Variants in SLC35F3 observed in about 807,000 individuals in gnomAD.
The protein encoded by SLC35F3 is putative thiamine transporter SLC35F3.
SLC35F3 carries 25 observed loss-of-function variants against 49.9 expected under a neutral mutation model. The observed-to-expected ratio is 0.50, with a 90% CI of 0.37 to 0.70. SLC35F3 has a LOEUF of 0.70. Ranked by LOEUF, SLC35F3 falls within the 30% of genes least tolerant of loss-of-function variation. SLC35F3 has a pLI of 0.00. For synonymous variants in SLC35F3, 275 were observed against 265.4 expected, an observed-to-expected ratio of 1.04 and a Z score of -0.35; for missense variants, 525 against 639.8, an observed-to-expected ratio of 0.82 and a Z score of 1.94.
chr1:233,962,274 A>T (rs1662817275), intron 2 of SLC35F3, among the ~76,000 whole-genome samples: 2 of 152,160 alleles, frequency 1.3e-5, no homozygotes, highest in African/African-American at 4.8e-5. Flanking sequence ...ATTTATCTGT[A>T]TTCTTCAAGA....
intron 2 of SLC35F3, among the ~76,000 whole-genome samples, chr1:234,219,358 A>G (rs1572100342): frequency 6.6e-6 from 1 of 152,264 alleles, no homozygotes; most frequent in East Asian, 1.9e-4. Context: ...AACCCAAAAT[A>G]TTTCCCTGAT....
intron 2 of SLC35F3, among the ~76,000 whole-genome samples, chr1:234,192,555 A>G (rs888984506): frequency 6.6e-5 from 10 of 152,184 alleles, no homozygotes; most frequent in African/African-American, 2.2e-4. Context: ...GCCCACTCTC[A>G]CTACTTCTAT....
chr1:234,103,434 A>T (rs961953467), intron 2 of SLC35F3, among the ~76,000 whole-genome samples: 1 of 152,154 alleles, frequency 6.6e-6, no homozygotes, highest in Admixed American at 6.5e-5. Flanking sequence ...CAGGCTGTGC[A>T]TGAGCAAGCG....
intron 2 of SLC35F3, among the ~76,000 whole-genome samples, chr1:234,045,847 C>T (rs1167222139): frequency 6.6e-6 from 1 of 151,720 alleles, no homozygotes; most frequent in Non-Finnish European, 1.5e-5. Context: ...TATGTGGATC[C>T]ATTTAAATTA....
intron 2 of SLC35F3, among the ~76,000 whole-genome samples, chr1:234,054,350 T>C (rs1358880396): frequency 6.6e-6 from 1 of 152,198 alleles, no homozygotes; most frequent in Non-Finnish European, 1.5e-5. Context: ...CTTTTTACTC[T>C]TTTTTCTCTA....
At chr1:234,055,047 T>G (rs1664434968) in intron 2 of SLC35F3, among the ~76,000 whole-genome samples, 1 of 152,134 alleles carries the variant, frequency 6.6e-6, no homozygotes, top group African/African-American at 2.4e-5. Flanking sequence ...AGGTGTCAGG[T>G]GCCCCTACTG....
intron 7 of SLC35F3, among the ~76,000 whole-genome samples, chr1:234,321,372 C>G (rs181293105): frequency 6.6e-6 from 1 of 152,328 alleles, no homozygotes; most frequent in East Asian, 1.9e-4. Flanking sequence ...TCATACCTAC[C>G]CTTGCTACTT....
intron 3 of SLC35F3, among the ~76,000 whole-genome samples, chr1:234,281,087 C>T (rs74231608): frequency 1.3e-5 from 2 of 151,434 alleles, no homozygotes; most frequent in Admixed American, 6.6e-5. Flanking sequence ...TGTGTCCCCC[C>T]CCCATGCTCA....
intron 2 of SLC35F3, among the ~76,000 whole-genome samples, chr1:234,035,179 C>T (rs1664123583): frequency 6.6e-6 from 1 of 152,170 alleles, no homozygotes; most frequent in African/African-American, 2.4e-5. Flanking sequence ...TAGGAGCATA[C>T]AGAGAAAGGG....
intron 2 of SLC35F3, among the ~76,000 whole-genome samples, chr1:234,171,516 T>C (rs1379605465): frequency 1.3e-5 from 2 of 152,158 alleles, no homozygotes; most frequent in Non-Finnish European, 2.9e-5. Flanking sequence ...AATTATTCAA[T>C]ACAAATTCCT....
chr1:234,054,845 G>A (rs1374936705), intron 2 of SLC35F3, among the ~76,000 whole-genome samples: 3 of 152,150 alleles, frequency 2.0e-5, no homozygotes, highest in Non-Finnish European at 4.4e-5. Context: ...CTTTCTGTTT[G>A]TTAGTTTTCC....
chr1:233,918,509 A>G (rs1662006507), intron 2 of SLC35F3, among the ~76,000 whole-genome samples: 1 of 152,086 alleles, frequency 6.6e-6, no homozygotes, highest in African/African-American at 2.4e-5. Flanking sequence ...AAATTATTGT[A>G]TGGGGGCCAG....
Position 234,260,121 on chromosome 1 carries a change from T to C in SLC35F3, c.608+28380T>C, listed in dbSNP as rs1667880684. On this transcript the variant is annotated intron_variant, in intron 3 of 7. Coordinates refer to ENST00000366618, the MANE Select transcript of SLC35F3 (RefSeq NM_173508.4). ...AAGCTTCCATCTACTTGAAATCAGTTGGCATGATAAGTGAATATTCTCTTT... is the reference window on the plus strand; with the variant it reads ...AAGCTTCCATCTACTTGAAATCAGTCGGCATGATAAGTGAATATTCTCTTT... Among the ~76,000 whole-genome samples the C allele has an allele frequency of 2.0e-5, 3 of 152,274 alleles. No individual in the cohort carries two copies. The South Asian group carries it at 6.2e-4, about 32-fold the overall frequency.
intron 3 of SLC35F3, among the ~76,000 whole-genome samples, chr1:234,268,102 G>C (rs1668027068): frequency 6.6e-6 from 1 of 152,044 alleles, no homozygotes; most frequent in Non-Finnish European, 1.5e-5. Flanking sequence ...GCCAAGGCAG[G>C]CGGCTGGGAG....
At chr1:234,079,287 G>A (rs760426524) in intron 2 of SLC35F3, among the ~76,000 whole-genome samples, 2 of 152,130 alleles carry the variant, frequency 1.3e-5, no homozygotes, top group Non-Finnish European at 2.9e-5. Context: ...TGTGAGATTA[G>A]GGGTCTAACT....
chr1:234,231,292 C>T lies in SLC35F3; in HGVS notation c.284-125C>T. The T allele has an allele frequency of 1.3e-6, 1 of 790,056 alleles. No homozygotes were observed. The highest frequency in any genetic ancestry group is 1.9e-6 in the Non-Finnish European group (1 of 514,868). The allele number at this position is 790,056 out of a possible 1,614,324, so 48.9% of individuals were successfully genotyped here. A position where few individuals can be genotyped will look rare whatever the true frequency, so the allele number is the denominator to read the frequency against. ...TCACACAGCCGCCCTGGAAGCCGCC[C>T]CTGCACCCGCTATCTCCCCGGGCCC... On this transcript the variant is annotated intron_variant, in intron 2 of 7. Coordinates refer to ENST00000366618, the MANE Select transcript of SLC35F3 (RefSeq NM_173508.4). The surrounding 1 kb of genome is among the most constrained non-coding windows in gnomAD (Gnocchi z 5.4).
intron 2 of SLC35F3, among the ~76,000 whole-genome samples, chr1:233,940,310 G>C (rs1450130601): frequency 1.3e-5 from 2 of 151,534 alleles, no homozygotes; most frequent in African/African-American, 4.9e-5. Flanking sequence ...TAAGTATTTG[G>C]GTTTTAGAGG....
At chr1:234,030,132 A>G (rs1664037540) in intron 2 of SLC35F3, among the ~76,000 whole-genome samples, 1 of 152,216 alleles carries the variant, frequency 6.6e-6, no homozygotes, top group South Asian at 2.1e-4. Flanking sequence ...AGAATACACT[A>G]TTCCCAATAT....
Position 234,214,664 on chromosome 1 carries a change from C to A in SLC35F3, c.284-16753C>A. 1 of 1,439,892 alleles carries A rather than the reference C, an allele frequency of 6.9e-7. No homozygotes were observed. The highest frequency in any genetic ancestry group is 9.2e-7 in the Non-Finnish European group (1 of 1,088,148). The allele number at this position is 1,439,892 out of a possible 1,614,324, so 89.2% of individuals were successfully genotyped here. A position where few individuals can be genotyped will look rare whatever the true frequency, so the allele number is the denominator to read the frequency against. On this transcript the variant is annotated intron_variant, in intron 2 of 7. Coordinates refer to ENST00000366618, the MANE Select transcript of SLC35F3 (RefSeq NM_173508.4). The surrounding 1 kb of genome is among the most constrained non-coding windows in gnomAD (Gnocchi z 8.0). ...GGGGGGCTGTCTGGCTGCGGGGCGCCGGGGCTGGGGGTACTGCTCCCCCAG... is the reference window on the plus strand; with the variant it reads ...GGGGGGCTGTCTGGCTGCGGGGCGCAGGGGCTGGGGGTACTGCTCCCCCAG...
Sources: gnomAD v4.1 joint callset for allele counts (sites outside exome capture counted in the v4.1 genomes callset) on GRCh38, gnomAD v4.1.1 for gene constraint, Gnocchi (gnomAD v3.1) non-coding constraint, MANE v1.5 for transcripts, NCBI Gene and HGNC (gene_info 2026-07-23, HGNC 2026-07-21) for gene names.